The following SEPTIN14 variants were observed in gnomAD, a reference collection of about 807,000 sequenced individuals.
SEPTIN14 encodes septin 14, also known as septin-14.
SEPTIN14 carries 40 observed loss-of-function variants against 53.6 expected under a neutral mutation model. The ratio of observed to expected loss-of-function variants is 0.75; its 90% CI spans 0.58 to 0.97. SEPTIN14 has a LOEUF of 0.97. Among genes scored for constraint, SEPTIN14 ranks in the 50% least tolerant of loss-of-function variants. The pLI, the probability that SEPTIN14 is intolerant of heterozygous loss-of-function variation, is 0.00. For synonymous variants in SEPTIN14, 138 were observed against 166.8 expected (o/e 0.83, Z 1.33); for missense variants, 471 against 508.2 (o/e 0.93, Z 0.70).
intron 6 of SEPTIN14, among the ~76,000 whole-genome samples, chr7:55,825,118 G>A (rs1414510693): frequency 6.6e-6 from 1 of 152,014 alleles, no homozygotes; most frequent in Non-Finnish European, 1.5e-5. Context: ...TCAGTGAGTG[G>A]ATAAACAAAC....
In SEPTIN14 at chr7:55,819,679, T is replaced by C. The variant is rs188009128; in HGVS notation, c.721-456A>G. ...CATCTCATTTTAAGACTTGACAGTA[T>C]GCACTAATTGGTTTCTGTCAGCATA... On this transcript the variant is annotated intron_variant, in intron 6 of 9. Transcript: ENST00000388975. 1.2e-3 allele frequency among the ~76,000 whole-genome samples: 180 copies of C among 152,296 alleles called. 1 individual carries two copies. The highest frequency in any genetic ancestry group is 4.2e-3 in the African/African-American group (175 of 41,562).
At chr7:55,827,336 A>T (rs1172712674) in intron 6 of SEPTIN14, among the ~76,000 whole-genome samples, 1 of 152,194 alleles carries the variant, frequency 6.6e-6, no homozygotes, top group Non-Finnish European at 1.5e-5. Context: ...CTGAGGGAAG[A>T]GGTCCTACCC....
intron 6 of SEPTIN14, among the ~76,000 whole-genome samples, chr7:55,824,056 G>A (rs1454861533): frequency 6.6e-6 from 1 of 151,994 alleles, no homozygotes; most frequent in East Asian, 1.9e-4. Flanking sequence ...TAACATAAAA[G>A]GAAATGCAGG....
intron 6 of SEPTIN14, among the ~76,000 whole-genome samples, chr7:55,823,767 A>G (rs918283657): frequency 6.6e-6 from 1 of 152,212 alleles, no homozygotes; most frequent in Admixed American, 6.5e-5. Context: ...TAAAATCTGC[A>G]GCAATCCTTT....
At chr7:55,814,225 T>A (rs1605030) in intron 7 of SEPTIN14, among the ~76,000 whole-genome samples, 50,590 of 151,576 alleles carry the variant, frequency 0.33, 11,174 homozygotes, top group African/African-American at 0.63. Flanking sequence ...CCTTCTCAAA[T>A]AGAATAGGCA....
chr7:55,815,515 T>C (rs187204859), intron 7 of SEPTIN14, among the ~76,000 whole-genome samples: 1 of 152,190 alleles, frequency 6.6e-6, no homozygotes, highest in East Asian at 1.9e-4. Flanking sequence ...TCTTTTGTCT[T>C]ATTGATAATA....
chr7:55,837,056 C>T (rs1376033313), intron 5 of SEPTIN14, among the ~76,000 whole-genome samples: 1 of 151,280 alleles, frequency 6.6e-6, no homozygotes, highest in Non-Finnish European at 1.5e-5. Context: ...ATGACAATTT[C>T]CTTTATATGT....
intron 2 of SEPTIN14, among the ~76,000 whole-genome samples, chr7:55,853,819 A>T (rs527417703): frequency 6.6e-6 from 1 of 152,270 alleles, no homozygotes; most frequent in East Asian, 1.9e-4. Context: ...TACCCATAAA[A>T]ATTAAAAAGT....
In SEPTIN14 at chr7:55,852,178, GA is replaced by G. The variant is rs1789529765; in HGVS notation, c.55-5542del. Among the ~76,000 whole-genome samples, 6 of 150,688 alleles carry G rather than the reference GA, an allele frequency of 4.0e-5. No individual in the cohort carries two copies. In the South Asian group the frequency reaches 1.3e-3, roughly 32 times the overall value. On this transcript the variant is annotated intron_variant, in intron 2 of 9. Transcript: ENST00000388975. The stretch of plus-strand genomic sequence containing the variant: ...AGAAGAAGAAAAGAAAAAAGAAATA[GA>G]AAAAATAATCCTAAAATTTATACGT...
chr7:55,849,261 G>A (rs1308491481), intron 2 of SEPTIN14, among the ~76,000 whole-genome samples: 1 of 151,510 alleles, frequency 6.6e-6, no homozygotes, highest in Non-Finnish European at 1.5e-5. Flanking sequence ...GGAGGCAGAG[G>A]TTGCAGTGAA....
intron 6 of SEPTIN14, among the ~76,000 whole-genome samples, chr7:55,824,386 T>C (rs1023298846): frequency 3.3e-5 from 5 of 152,156 alleles, no homozygotes; most frequent in African/African-American, 1.2e-4. Context: ...GTAAAAAAGA[T>C]GATCAACATC....
chr7:55,855,512 A>G (rs1384040992), intron 2 of SEPTIN14, among the ~76,000 whole-genome samples: 2 of 152,288 alleles, frequency 1.3e-5, no homozygotes, highest in South Asian at 4.1e-4. Context: ...ACAAGTAAAA[A>G]GTATGAGCCA....
Sources: gnomAD v4.1 joint callset for allele counts (sites outside exome capture counted in the v4.1 genomes callset) on GRCh38, gnomAD v4.1.1 for gene constraint, MANE v1.5 for transcripts, NCBI Gene and HGNC (gene_info 2026-07-23, HGNC 2026-07-21) for gene names.